PTPRD: variants seen among roughly 807,000 people sequenced by gnomAD.
The protein encoded by PTPRD is receptor-type tyrosine-protein phosphatase delta.
Under a neutral mutation model 214.5 loss-of-function variants are expected in PTPRD, and 34 were observed. That is an observed-to-expected ratio of 0.16 (90% CI 0.12 to 0.21). The LOEUF (loss-of-function observed/expected upper bound fraction) is 0.21, where lower values mean the gene tolerates loss of function less well. Ranked by LOEUF, PTPRD falls within the 10% of genes least tolerant of loss-of-function variation. The pLI, the probability that PTPRD is intolerant of heterozygous loss-of-function variation, is 1.00. For synonymous variants in PTPRD, 1,128 were observed against 845.7 expected, an observed-to-expected ratio of 1.33 and a Z score of -5.79; for missense variants, 2,545 against 2,398.7, an observed-to-expected ratio of 1.06 and a Z score of -1.27.
intron 5 of PTPRD, among the ~76,000 whole-genome samples, chr9:9,842,035 GA>G (rs1429407067): frequency 1.3e-5 from 2 of 151,832 alleles, no homozygotes; most frequent in Non-Finnish European, 2.9e-5. Context: ...TTAATATTGG[GA>G]AAAATTGCTT....
At position 9,288,417 on chromosome 9, in the gene PTPRD, C is replaced by G. The variant is rs149889504; in HGVS notation, c.-202-105054G>C. On this transcript the variant is annotated intron_variant, in intron 9 of 45. Transcript: ENST00000381196. Reference sequence around the variant, plus strand: ...TTTAATATAGACTTATCCTTTACAACTACCATAATAAATACTTAAAAAACA... The same window carrying G: ...TTTAATATAGACTTATCCTTTACAAGTACCATAATAAATACTTAAAAAACA... Among the ~76,000 whole-genome samples, 1,460 of 151,928 alleles carry G rather than the reference C, an allele frequency of 9.6e-3. 27 individuals are homozygous for G. Among genetic ancestry groups the G allele is most frequent in the African/African-American group, 0.034 (1,402 of 41,502 alleles).
intron 9 of PTPRD, among the ~76,000 whole-genome samples, chr9:9,207,823 G>T (rs977530313): frequency 6.6e-6 from 1 of 151,880 alleles, no homozygotes; most frequent in Non-Finnish European, 1.5e-5. Flanking sequence ...ATCAATGGCA[G>T]GTTGGTTGAA....
intron 2 of PTPRD, among the ~76,000 whole-genome samples, chr9:10,489,428 G>C (rs957059963): frequency 1.5e-4 from 23 of 152,120 alleles, no homozygotes; most frequent in African/African-American, 5.6e-4. Flanking sequence ...CTGGGGTCAG[G>C]GGAGGGGTGA....
At chr9:8,500,558 GAAAAAAAAAAAAA>G (rs146807692) in intron 24 of PTPRD, among the ~76,000 whole-genome samples, 183 bp downstream of exon 24, 23 of 14,310 alleles carry the variant, frequency 1.6e-3, no homozygotes, top group South Asian at 8.3e-3. Flanking sequence ...TGAAAAAAAT[GAAAAAAAAAAAAA>G]AAAAAAAAAA....
intron 3 of PTPRD, among the ~76,000 whole-genome samples, chr9:10,098,350 G>C (rs539710341): frequency 1.7e-3 from 255 of 146,996 alleles, no homozygotes; most frequent in Middle Eastern, 3.5e-3. Flanking sequence ...TTGTGGGGTT[G>C]GGGGAGGGGG....
chr9:9,473,321 T>G (rs2094767782), intron 8 of PTPRD, among the ~76,000 whole-genome samples: 1 of 152,208 alleles, frequency 6.6e-6, no homozygotes, highest in African/African-American at 2.4e-5. Flanking sequence ...TTCTTTTTTA[T>G]GTCTAAATGG....
intron 7 of PTPRD, among the ~76,000 whole-genome samples, chr9:9,652,333 A>G (rs1384772172): frequency 6.6e-6 from 1 of 152,128 alleles, no homozygotes; most frequent in Non-Finnish European, 1.5e-5. Flanking sequence ...TCTGAGACAA[A>G]GTTTCTGAAA....
At chr9:8,834,169 T>C (rs113007103) in intron 11 of PTPRD, among the ~76,000 whole-genome samples, 20 of 152,224 alleles carry the variant, frequency 1.3e-4, no homozygotes, top group African/African-American at 4.6e-4. Context: ...TTCACAGTAG[T>C]TGAATTCAAT....
intron 10 of PTPRD, among the ~76,000 whole-genome samples, chr9:9,103,908 G>A (rs1302930988): frequency 1.3e-5 from 2 of 152,108 alleles, no homozygotes; most frequent in Non-Finnish European, 2.9e-5. Context: ...CTGGAGCCTT[G>A]GGAGGCAGAG....
At chr9:8,893,769 G>T (rs1387884425) in intron 11 of PTPRD, among the ~76,000 whole-genome samples, 1 of 152,126 alleles carries the variant, frequency 6.6e-6, no homozygotes, top group Non-Finnish European at 1.5e-5. Context: ...CTCTTCAGAA[G>T]TTAAAATGGA....
chr9:9,071,568 A>T (rs2154409853), intron 10 of PTPRD, among the ~76,000 whole-genome samples: 1 of 152,276 alleles, frequency 6.6e-6, no homozygotes, highest in Admixed American at 6.5e-5. Context: ...CTGGTCCCTG[A>T]GGTCAGCCTC....
intron 5 of PTPRD, among the ~76,000 whole-genome samples, chr9:9,900,641 G>GTTTTTTTTGTTGTTTTTT (rs2076166884): frequency 8.3e-6 from 1 of 120,086 alleles, no homozygotes; most frequent in Non-Finnish European, 1.8e-5. Context: ...ACATTTTCAG[G>GTTTTTTTTGTTGTTTTTT]TTTTTTTTTT....
intron 11 of PTPRD, among the ~76,000 whole-genome samples, chr9:8,950,614 A>G (rs1342538688): frequency 6.6e-6 from 1 of 151,892 alleles, no homozygotes; most frequent in Non-Finnish European, 1.5e-5. Context: ...AATATATAGG[A>G]CTCTGTATAT....
intron 43 of PTPRD, among the ~76,000 whole-genome samples, chr9:8,337,865 A>G (rs1285227626): frequency 6.7e-6 from 1 of 148,568 alleles, no homozygotes; most frequent in Non-Finnish European, 1.5e-5. Context: ...AAATTCTGAA[A>G]GAGCACTATT....
At chr9:9,129,769 A>C (rs995628577) in intron 10 of PTPRD, among the ~76,000 whole-genome samples, 2 of 152,148 alleles carry the variant, frequency 1.3e-5, no homozygotes, top group Non-Finnish European at 2.9e-5. Flanking sequence ...TCCCACATAC[A>C]TATTGACATT....
intron 10 of PTPRD, chr9:9,091,218 C>T: frequency 1.5e-6 from 2 of 1,365,024 alleles, no homozygotes; most frequent in Non-Finnish European, 2.1e-6. Flanking sequence ...CGGGTGCTGC[C>T]CCACGTCCCC....
chr9:9,179,320 G>A (rs1039089639), intron 10 of PTPRD, among the ~76,000 whole-genome samples: 3 of 152,040 alleles, frequency 2.0e-5, no homozygotes, highest in Admixed American at 6.6e-5. Context: ...TTTGGCTATA[G>A]AACCCACAGT....
At chr9:10,484,959 C>A (rs1295522240) in intron 2 of PTPRD, among the ~76,000 whole-genome samples, 1 of 151,738 alleles carries the variant, frequency 6.6e-6, no homozygotes, top group African/African-American at 2.4e-5. Context: ...GAGAGTTTCT[C>A]TAATGTTTTC....
At chr9:8,329,590 T>C (rs1563969355) in intron 44 of PTPRD, among the ~76,000 whole-genome samples, 1 of 152,078 alleles carries the variant, frequency 6.6e-6, no homozygotes, top group Non-Finnish European at 1.5e-5. Flanking sequence ...GTGGGGATGT[T>C]TACGTCTGCT....
Sources: allele counts gnomAD v4.1 joint callset (sites outside exome capture counted in the v4.1 genomes callset), GRCh38; gene constraint gnomAD v4.1.1; transcripts MANE v1.5; gene names NCBI Gene and HGNC (gene_info 2026-07-23, HGNC 2026-07-21).